ENOX1: variants seen among roughly 807,000 people sequenced by gnomAD.
ENOX1 encodes the protein candidate growth-related and time keeping constitutive hydroquinone (NADH) oxidase.
In ENOX1, 42 loss-of-function variants were observed where a neutral mutation model predicts 82.5. The observed-to-expected ratio is 0.51, with a 90% confidence interval of 0.40 to 0.66. The LOEUF (loss-of-function observed/expected upper bound fraction) is 0.66, where lower values mean the gene tolerates loss of function less well. Ranked by LOEUF, ENOX1 falls within the 30% of genes least tolerant of loss-of-function variation. The probability of loss-of-function intolerance (pLI) is 0.00; values close to 1 mark genes in which losing one functional copy is unlikely to be tolerated. For missense variants in ENOX1, 608 were observed against 811.6 expected, an observed-to-expected ratio of 0.75 and a Z score of 3.05; for synonymous variants, 271 against 282.2, an observed-to-expected ratio of 0.96 and a Z score of 0.40.
At chr13:43,423,975 A>G (rs1005622017) in intron 3 of ENOX1, among the ~76,000 whole-genome samples, 32 of 152,216 alleles carry the variant, frequency 2.1e-4, no homozygotes, top group African/African-American at 7.7e-4. Context: ...ACAGAGCAAG[A>G]GAGACAGGAA....
At chr13:43,528,969 A>G (rs2078095253) in intron 2 of ENOX1, among the ~76,000 whole-genome samples, 2 of 152,020 alleles carry the variant, frequency 1.3e-5, no homozygotes, top group Admixed American at 6.6e-5. Flanking sequence ...GGACTGCTTC[A>G]ATTTCTCAAG....
intron 5 of ENOX1, among the ~76,000 whole-genome samples, chr13:43,408,015 T>C (rs986920791): frequency 6.6e-6 from 1 of 152,190 alleles, no homozygotes; most frequent in African/African-American, 2.4e-5. Flanking sequence ...TAATGGTATA[T>C]TTGGGATAAA....
chr13:43,352,995 T>C (rs2049907388), intron 8 of ENOX1, among the ~76,000 whole-genome samples: 1 of 152,192 alleles, frequency 6.6e-6, no homozygotes, highest in South Asian at 2.1e-4. Context: ...ACCTAAACTC[T>C]TTGAGGCAGG....
chr13:43,480,026 C>T (rs1187155628), intron 3 of ENOX1, among the ~76,000 whole-genome samples: 1 of 151,864 alleles, frequency 6.6e-6, no homozygotes, highest in Non-Finnish European at 1.5e-5. Context: ...ACCTCCACCT[C>T]CCGGGTTCAA....
intron 2 of ENOX1, among the ~76,000 whole-genome samples, chr13:43,641,366 A>G (rs2083639456): frequency 6.6e-6 from 1 of 152,008 alleles, no homozygotes; most frequent in Admixed American, 6.6e-5. Flanking sequence ...CACATTTGTT[A>G]AGAACCTAAT....
At chr13:43,729,367 C>A (rs1403418525) in intron 1 of ENOX1, among the ~76,000 whole-genome samples, 9 of 152,076 alleles carry the variant, frequency 5.9e-5, no homozygotes, top group Admixed American at 5.9e-4. Context: ...GTAAACGTGT[C>A]TCTTGTATTA....
intron 1 of ENOX1, among the ~76,000 whole-genome samples, chr13:43,748,702 A>G (rs1428064541): frequency 6.6e-6 from 1 of 152,202 alleles, no homozygotes; most frequent in African/African-American, 2.4e-5. Flanking sequence ...CATGCAAAAT[A>G]CTAAATAATG....
chr13:43,391,733 A>G (rs1413990058), intron 5 of ENOX1, among the ~76,000 whole-genome samples: 1 of 152,138 alleles, frequency 6.6e-6, no homozygotes, highest in African/African-American at 2.4e-5. Context: ...CCCAAGTCAA[A>G]GCCCTACTCA....
intron 8 of ENOX1, among the ~76,000 whole-genome samples, chr13:43,354,865 A>G (rs1169068817): frequency 3.9e-5 from 6 of 152,032 alleles, no homozygotes; most frequent in Admixed American, 3.9e-4. Flanking sequence ...TATCCTGGGG[A>G]AAAAAATCTT....
intron 1 of ENOX1, among the ~76,000 whole-genome samples, chr13:43,752,521 A>G (rs1950376697): frequency 6.6e-6 from 1 of 152,216 alleles, no homozygotes; most frequent in East Asian, 1.9e-4. Context: ...TAGGTGTTAC[A>G]TATATGTCCA....
intron 2 of ENOX1, among the ~76,000 whole-genome samples, chr13:43,541,173 G>GTCTTTTTTTTTTTTTTTT (rs1555317901): frequency 1.5e-5 from 1 of 64,574 alleles, no homozygotes; most frequent in Non-Finnish European, 3.2e-5. Flanking sequence ...TCTTCCCTCT[G>GTCTTTTTTTTTTTTTTTT]TTTTTTTTTT....
At chr13:43,537,821 T>C (rs1270569014) in intron 2 of ENOX1, among the ~76,000 whole-genome samples, 1 of 151,930 alleles carries the variant, frequency 6.6e-6, no homozygotes, top group African/African-American at 2.4e-5. Flanking sequence ...AACTAAGGAG[T>C]AGAAAAAGCA....
intron 2 of ENOX1, among the ~76,000 whole-genome samples, chr13:43,562,240 G>A (rs1030683626): frequency 9.9e-5 from 15 of 151,930 alleles, no homozygotes. Context: ...GGGGAATGAA[G>A]TTTAAAGTGT....
At chr13:43,747,402 G>A (rs1287947689) in intron 1 of ENOX1, among the ~76,000 whole-genome samples, 2 of 152,184 alleles carry the variant, frequency 1.3e-5, no homozygotes, top group Non-Finnish European at 2.9e-5. Flanking sequence ...AGTCTTGCAT[G>A]TATTGCTTCC....
At chr13:43,443,902 G>A (rs1390884091) in intron 3 of ENOX1, among the ~76,000 whole-genome samples, 1 of 152,198 alleles carries the variant, frequency 6.6e-6, no homozygotes, top group African/African-American at 2.4e-5. Context: ...GTTTAAGTGT[G>A]CAATGTCTAA....
chr13:43,719,844 C>T (rs111427873), intron 1 of ENOX1, among the ~76,000 whole-genome samples: 2 of 152,134 alleles, frequency 1.3e-5, no homozygotes, highest in Non-Finnish European at 2.9e-5. Flanking sequence ...CCAATTCTGA[C>T]CTTCTGTTTA....
chr13:43,756,972 CAAAAAAAAAA>C (rs1164153402), intron 1 of ENOX1, among the ~76,000 whole-genome samples: 2 of 28,066 alleles, frequency 7.1e-5, no homozygotes, highest in African/African-American at 9.1e-5. Context: ...AAAACAACAA[CAAAAAAAAAA>C]AAAAAAAAAA....
intron 12 of ENOX1, among the ~76,000 whole-genome samples, chr13:43,273,628 C>T (rs1187135308): frequency 2.0e-5 from 3 of 152,132 alleles, no homozygotes; most frequent in Non-Finnish European, 2.9e-5. Flanking sequence ...AGAGACAATC[C>T]CTCACCAGGC....
At chr13:43,720,487 A>T (rs905751959) in intron 1 of ENOX1, among the ~76,000 whole-genome samples, 2 of 152,046 alleles carry the variant, frequency 1.3e-5, no homozygotes, top group Admixed American at 1.3e-4. Flanking sequence ...CTCAGCTTCC[A>T]TTTGCTTTGA....
Sources: gnomAD v4.1 joint callset for allele counts (sites outside exome capture counted in the v4.1 genomes callset) on GRCh38, gnomAD v4.1.1 for gene constraint, MANE v1.5 for transcripts, NCBI Gene and HGNC (gene_info 2026-07-23, HGNC 2026-07-21) for gene names.